C10orf90: variants seen among roughly 807,000 people sequenced by gnomAD.
C10orf90 encodes the protein (E2-independent) E3 ubiquitin-conjugating enzyme FATS.
A neutral mutation model predicts 62.5 loss-of-function variants in C10orf90; 56 were observed. The ratio of observed to expected loss-of-function variants is 0.90; its 90% CI spans 0.72 to 1.12. The LOEUF (loss-of-function observed/expected upper bound fraction) is 1.12. C10orf90 is among the 50% of genes most tolerant of loss of function. The pLI is 0.00. For missense variants in C10orf90, 970 were observed against 880.4 expected (o/e 1.10, Z -1.29); for synonymous variants, 386 against 340.4 (o/e 1.13, Z -1.47).
At chr10:126,545,055 C>G (rs929577598) in intron 2 of C10orf90, among the ~76,000 whole-genome samples, 7 of 152,258 alleles carry the variant, frequency 4.6e-5, no homozygotes, top group African/African-American at 1.4e-4. Context: ...TTAACCTGTG[C>G]CTGAAAATAA....
intron 2 of C10orf90, among the ~76,000 whole-genome samples, chr10:126,601,002 G>T (rs541737879): frequency 3.3e-5 from 5 of 152,306 alleles, no homozygotes; most frequent in African/African-American, 1.2e-4. Context: ...ATACAATGGA[G>T]TATTATTCAG....
intron 2 of C10orf90, among the ~76,000 whole-genome samples, chr10:126,643,732 G>A (rs753061195): frequency 1.1e-4 from 16 of 152,166 alleles, no homozygotes; most frequent in Non-Finnish European, 2.2e-4. Flanking sequence ...ACAATAGTGG[G>A]TTTCTGGTCT....
intron 4 of C10orf90, among the ~76,000 whole-genome samples, chr10:126,490,569 G>C (rs1220107485): frequency 6.6e-6 from 1 of 152,038 alleles, no homozygotes; most frequent in African/African-American, 2.4e-5. Flanking sequence ...TTGCAAAACA[G>C]TATGAATGTA....
chr10:126,447,959 C>G (rs1025043832), intron 7 of C10orf90, among the ~76,000 whole-genome samples: 4 of 151,186 alleles, frequency 2.6e-5, no homozygotes, highest in East Asian at 1.9e-4. Flanking sequence ...TCAAGTGACT[C>G]TCCTGCCTCA....
At chr10:126,502,693 A>G (rs1487513724) in intron 4 of C10orf90, 1 of 432,274 alleles carries the variant, frequency 2.3e-6, no homozygotes, top group South Asian at 1.9e-5. Context: ...GGGGTAACAT[A>G]CAACAATGCA....
Position 126,504,824 on chromosome 10 carries a change from C to T in C10orf90, c.667G>A (p.Glu223Lys), listed in dbSNP as rs1327980423. 3 of 1,601,084 alleles carry T rather than the reference C, an allele frequency of 1.9e-6. No homozygotes were observed. The highest frequency in any genetic ancestry group is 2.6e-6 in the Non-Finnish European group (3 of 1,172,694). Residue 223 changes from glutamate to lysine, a missense_variant, in exon 4 of 10, where the codon GAG (glutamate) becomes AAG (lysine). Transcript: ENST00000488181. The surrounding 1 kb of genome is among the most constrained non-coding windows in gnomAD (Gnocchi z 4.1). ...RGPEAELPPKEERPCGGPRRG... is the reference protein window; with the variant it reads ...RGPEAELPPKKERPCGGPRRG... The stretch of plus-strand genomic sequence containing the variant: ...CGGGGGCCCCCACAGGGTCTCTCCT[C>T]TTTGGGCGGCAGCTCTGCCTCAGGT...
chr10:126,446,236 G>T (rs1342674540), intron 7 of C10orf90, among the ~76,000 whole-genome samples: 1 of 151,822 alleles, frequency 6.6e-6, no homozygotes, highest in Non-Finnish European at 1.5e-5. Context: ...GTACCAAAAA[G>T]CTTTCCAAAT....
intron 2 of C10orf90, among the ~76,000 whole-genome samples, chr10:126,530,015 A>AATTAGTTTAAGATACT (rs1864049859): frequency 6.6e-6 from 1 of 152,230 alleles, no homozygotes; most frequent in Non-Finnish European, 1.5e-5. Context: ...AAACTAAATG[A>AATTAGTTTAAGATACT]AATGTAGTAT....
rs893686157 is a variant in C10orf90, at chr10:126,461,322, T to C, written c.2010+79A>G. On this transcript the variant is annotated intron_variant, in intron 6 of 9. Transcript: ENST00000488181. The stretch of plus-strand genomic sequence containing the variant: ...AGGTTTCCAGCCTCAGAGGTGCAAG[T>C]GAGGTTGTGTGCTCACGGACTCCCT... 6.0e-6 allele frequency: 9 copies of C among 1,509,160 alleles called. No homozygotes were observed. The Admixed American group carries it at 1.4e-4, about 23-fold the overall frequency. 93.5% of individuals were successfully genotyped at this position (1,509,160 alleles called of 1,614,324 possible).
At chr10:126,510,423 A>G (rs1863033655) in intron 3 of C10orf90, among the ~76,000 whole-genome samples, 1 of 152,258 alleles carries the variant, frequency 6.6e-6, no homozygotes, top group South Asian at 2.1e-4. Context: ...AAGCTGTTTC[A>G]GGGTGACATT....
intron 2 of C10orf90, among the ~76,000 whole-genome samples, chr10:126,579,456 G>A (rs1006911099): frequency 2.6e-5 from 4 of 151,870 alleles, no homozygotes; most frequent in Admixed American, 2.0e-4. Flanking sequence ...GGCCAGGCTG[G>A]TCTCGAACTC....
intron 7 of C10orf90, among the ~76,000 whole-genome samples, chr10:126,444,139 C>T (rs1317798817): frequency 6.6e-6 from 1 of 152,064 alleles, no homozygotes; most frequent in Admixed American, 6.6e-5. Flanking sequence ...GCTCACCACT[C>T]CTCTTCAACA....
chr10:126,543,303 T>C (rs7079508), intron 2 of C10orf90, among the ~76,000 whole-genome samples: 2,013 of 152,246 alleles, frequency 0.013, 48 homozygotes, highest in African/African-American at 0.046. Context: ...CTCTGTTCTT[T>C]CATCTGAAAA....
At chr10:126,536,248 A>C (rs977142567) in intron 2 of C10orf90, among the ~76,000 whole-genome samples, 1 of 152,162 alleles carries the variant, frequency 6.6e-6, no homozygotes, top group Non-Finnish European at 1.5e-5. Context: ...GGAAGAGCCC[A>C]TTAGGATGGT....
At chr10:126,553,134 C>A (rs939660576) in intron 2 of C10orf90, among the ~76,000 whole-genome samples, 2 of 151,942 alleles carry the variant, frequency 1.3e-5, no homozygotes, top group Non-Finnish European at 2.9e-5. Flanking sequence ...TACAGAAAAG[C>A]TCTGATTTTA....
chr10:126,642,401 G>T (rs956204849), intron 2 of C10orf90, among the ~76,000 whole-genome samples: 1 of 152,022 alleles, frequency 6.6e-6, no homozygotes. Context: ...GCGTGGTGGC[G>T]GGCGCCTGTA....
At chr10:126,555,351 T>C (rs984114849) in intron 2 of C10orf90, among the ~76,000 whole-genome samples, 1 of 152,080 alleles carries the variant, frequency 6.6e-6, no homozygotes, top group African/African-American at 2.4e-5. Flanking sequence ...GGTTGATATA[T>C]TAATTTATAT....
chr10:126,442,093 C>T (rs986290505), intron 7 of C10orf90, among the ~76,000 whole-genome samples: 1 of 152,036 alleles, frequency 6.6e-6, no homozygotes, highest in Non-Finnish European at 1.5e-5. Flanking sequence ...AAATGCTCCA[C>T]TTAAAAGATA....
intron 1 of C10orf90, among the ~76,000 whole-genome samples, chr10:126,652,844 T>C (rs1485138674): frequency 6.6e-6 from 1 of 152,216 alleles, no homozygotes; most frequent in Non-Finnish European, 1.5e-5. Flanking sequence ...ATTATGTTTC[T>C]TATCATTTGT....
Sources: allele counts gnomAD v4.1 joint callset (sites outside exome capture counted in the v4.1 genomes callset), GRCh38; gene constraint gnomAD v4.1.1; non-coding constraint Gnocchi (gnomAD v3.1); transcripts MANE v1.5; gene names NCBI Gene and HGNC (gene_info 2026-07-23, HGNC 2026-07-21).